Variants in PDE7B observed in about 807,000 individuals in gnomAD.
The protein encoded by PDE7B is phosphodiesterase 7B, also known as 3',5'-cyclic-AMP phosphodiesterase 7B.
Under a neutral mutation model 56.2 loss-of-function variants are expected in PDE7B, and 29 were observed. That is an observed-to-expected ratio of 0.52 (90% CI 0.38 to 0.70). The LOEUF is 0.70. Among genes scored for constraint, PDE7B ranks in the 30% least tolerant of loss-of-function variants. The pLI is 0.00. For synonymous variants in PDE7B, 197 were observed against 196.9 expected, an observed-to-expected ratio of 1.00 and a Z score of 0.00; for missense variants, 490 against 565.0, an observed-to-expected ratio of 0.87 and a Z score of 1.35.
intron 1 of PDE7B, among the ~76,000 whole-genome samples, chr6:135,901,768 T>C (rs182265870): frequency 2.0e-5 from 3 of 152,332 alleles, no homozygotes; most frequent in African/African-American, 7.2e-5. Context: ...GTAGTTTTAC[T>C]GTACACAAAA....
At chr6:136,028,129 T>G (rs1178808361) in intron 2 of PDE7B, among the ~76,000 whole-genome samples, 1 of 152,154 alleles carries the variant, frequency 6.6e-6, no homozygotes, top group Non-Finnish European at 1.5e-5. Context: ...AAATGCATGT[T>G]AAATGAATTA....
intron 1 of PDE7B, among the ~76,000 whole-genome samples, chr6:135,908,343 T>G (rs1305072690): frequency 2.6e-5 from 4 of 152,044 alleles, no homozygotes; most frequent in African/African-American, 9.7e-5. Flanking sequence ...TCCTCCCACT[T>G]TGGCCTCCTA....
intron 2 of PDE7B, chr6:136,098,034 T>A (rs996126632): frequency 1.4e-5 from 2 of 146,648 alleles, no homozygotes; most frequent in African/African-American, 5.0e-5. Context: ...AGCTCTCAGA[T>A]CAAACATCAC....
intron 1 of PDE7B, among the ~76,000 whole-genome samples, chr6:135,927,401 T>C (rs1774211961): frequency 6.6e-6 from 1 of 152,166 alleles, no homozygotes; most frequent in African/African-American, 2.4e-5. Flanking sequence ...ACTTTTAGAA[T>C]AGTTTCTTTT....
chr6:135,932,716 T>C (rs1774315863), intron 1 of PDE7B, among the ~76,000 whole-genome samples: 2 of 152,202 alleles, frequency 1.3e-5, no homozygotes, highest in Admixed American at 6.5e-5. Context: ...AAGTCTCCTA[T>C]GGTCACCGGA....
chr6:135,999,669 G>A (rs1182786053), intron 2 of PDE7B, among the ~76,000 whole-genome samples: 1 of 151,900 alleles, frequency 6.6e-6, no homozygotes, highest in Non-Finnish European at 1.5e-5. Context: ...GTCACCGAGA[G>A]GCATTTAGGT....
chr6:136,019,287 GTTAATTCATTGAAA>G (rs1345883316), intron 2 of PDE7B, among the ~76,000 whole-genome samples: 11 of 151,872 alleles, frequency 7.2e-5, no homozygotes, highest in African/African-American at 2.7e-4. Flanking sequence ...TTTCATATAA[GTTAATTCATTGAAA>G]TTAATTCATT....
At chr6:135,893,285 T>G (rs1244031577) in intron 1 of PDE7B, among the ~76,000 whole-genome samples, 1 of 145,974 alleles carries the variant, frequency 6.9e-6, no homozygotes, top group Non-Finnish European at 1.5e-5. Flanking sequence ...GTTCTCATTG[T>G]TCGATTCCCA....
At chr6:136,177,552 C>G (rs1464781906) in intron 9 of PDE7B, among the ~76,000 whole-genome samples, 1 of 152,084 alleles carries the variant, frequency 6.6e-6, no homozygotes, top group Non-Finnish European at 1.5e-5. Flanking sequence ...ATATGTCTAG[C>G]CTCATTAGTA....
rs142352907 is a variant in PDE7B at position 136,130,993 on chromosome 6, G to A, written c.167-16358G>A. ...CCACCGGGTCCCTCCCACAACATGT[G>A]GGAATTATGGGAGCTACAATTCAAG... On this transcript the variant is annotated intron_variant, in intron 3 of 12. Transcript: ENST00000308191. Among the ~76,000 whole-genome samples, 133 of 152,254 alleles carry A rather than the reference G, an allele frequency of 8.7e-4. 2 individuals carry two copies. The East Asian group carries it at 0.025, about 29-fold the overall frequency.
intron 2 of PDE7B, among the ~76,000 whole-genome samples, chr6:135,966,278 G>T (rs376616551): frequency 6.6e-6 from 1 of 152,068 alleles, no homozygotes; most frequent in Middle Eastern, 3.4e-3. Flanking sequence ...TTTTAATGAA[G>T]GGGGCTACCT....
intron 2 of PDE7B, among the ~76,000 whole-genome samples, chr6:136,028,870 A>T (rs937698975): frequency 6.6e-6 from 1 of 152,210 alleles, no homozygotes; most frequent in African/African-American, 2.4e-5. Context: ...GGTTCCGAGG[A>T]CTAGGATGTG....
chr6:135,948,036 G>A lies in PDE7B; in HGVS notation c.82+512G>A, dbSNP rs187618972. Among the ~76,000 whole-genome samples, 393 of 152,038 alleles carry A rather than the reference G, an allele frequency of 2.6e-3. 1 individual carries two copies. The highest frequency in any genetic ancestry group is 9.0e-3 in the African/African-American group (373 of 41,532). ...TAATGAATAATCATTTGTTCTTGTAGGATGATATATCATCAATGCCTTTGA... is the reference window on the plus strand; with the variant it reads ...TAATGAATAATCATTTGTTCTTGTAAGATGATATATCATCAATGCCTTTGA... On this transcript the variant is annotated intron_variant, in intron 2 of 12. Coordinates refer to ENST00000308191, the MANE Select transcript of PDE7B (RefSeq NM_018945.4).
intron 2 of PDE7B, chr6:136,094,494 T>A (rs1047245212): frequency 1.3e-5 from 2 of 152,498 alleles, no homozygotes; most frequent in African/African-American, 4.8e-5. Flanking sequence ...CTCCCACATT[T>A]CATTCAAGTC....
chr6:135,853,382 T>A (rs988617398), intron 1 of PDE7B, among the ~76,000 whole-genome samples: 1 of 152,216 alleles, frequency 6.6e-6, no homozygotes, highest in Non-Finnish European at 1.5e-5. Flanking sequence ...GAATGGACAA[T>A]TGCTTTTCTG....
At chr6:136,086,137 A>ATTCT (rs1383973105) in intron 2 of PDE7B, among the ~76,000 whole-genome samples, 4 of 152,130 alleles carry the variant, frequency 2.6e-5, no homozygotes, top group Non-Finnish European at 5.9e-5. Context: ...TCAAAGGAGA[A>ATTCT]TTCTTTCCAT....
At chr6:135,944,524 A>G (rs914031511) in intron 1 of PDE7B, among the ~76,000 whole-genome samples, 1 of 152,136 alleles carries the variant, frequency 6.6e-6, no homozygotes, top group African/African-American at 2.4e-5. Context: ...CGCCTCAGCA[A>G]TTTCCCAGAC....
At chr6:136,043,402 G>A (rs1776444746) in intron 2 of PDE7B, among the ~76,000 whole-genome samples, 1 of 151,958 alleles carries the variant, frequency 6.6e-6, no homozygotes, top group East Asian at 1.9e-4. Context: ...GTGCCAGAGT[G>A]TGGTTGCAAT....
chr6:136,083,282 A>G (rs1283685863), intron 2 of PDE7B, among the ~76,000 whole-genome samples: 1 of 152,154 alleles, frequency 6.6e-6, no homozygotes, highest in Non-Finnish European at 1.5e-5. Context: ...ACCTTTGTGC[A>G]TTCTCAGTTC....
Sources: gnomAD v4.1 joint callset for allele counts (sites outside exome capture counted in the v4.1 genomes callset) on GRCh38, gnomAD v4.1.1 for gene constraint, MANE v1.5 for transcripts, NCBI Gene and HGNC (gene_info 2026-07-23, HGNC 2026-07-21) for gene names.